Variants in TNPO3 observed in about 807,000 individuals in gnomAD.
The protein encoded by TNPO3 is transportin-3.
A neutral mutation model predicts 122.8 loss-of-function variants in TNPO3; 65 were observed. The ratio of observed to expected loss-of-function variants is 0.53; its 90% CI spans 0.43 to 0.65. The LOEUF (loss-of-function observed/expected upper bound fraction) is 0.65. Ranked by LOEUF, TNPO3 falls within the 30% of genes least tolerant of loss-of-function variation. The pLI is 0.00. For missense variants in TNPO3, 850 were observed against 1,136.7 expected, an observed-to-expected ratio of 0.75 and a Z score of 3.63; for synonymous variants, 372 against 411.2, an observed-to-expected ratio of 0.90 and a Z score of 1.15.
At chr7:128,958,692 T>C (rs1030940754) in intron 21 of TNPO3, among the ~76,000 whole-genome samples, 10 of 152,240 alleles carry the variant, frequency 6.6e-5, no homozygotes, top group African/African-American at 2.4e-4. Flanking sequence ...ATTAAGAACC[T>C]TGACTTAGAC....
intron 1 of TNPO3, 113 bp from the exon 2 acceptor site, chr7:129,018,270 T>C (rs921835662): frequency 9.4e-7 from 1 of 1,058,642 alleles, no homozygotes; most frequent in Non-Finnish European, 1.3e-6. Flanking sequence ...GAAAGAAAAA[T>C]CTGACAAGCT....
At chr7:128,990,268 G>A in intron 10 of TNPO3, 168 bp from the exon 11 acceptor site, 1 of 755,196 alleles carries the variant, frequency 1.3e-6, no homozygotes, top group Non-Finnish European at 2.3e-6. Flanking sequence ...CTTCAAAAAA[G>A]AGGAAAAGAT....
intron 11 of TNPO3, among the ~76,000 whole-genome samples, chr7:128,988,355 A>G (rs1264651072): frequency 6.6e-6 from 1 of 152,208 alleles, no homozygotes; most frequent in Non-Finnish European, 1.5e-5. Flanking sequence ...CAAACTCAGC[A>G]CAATCTGCCT....
chr7:128,973,602 G>A (rs1325994586), intron 18 of TNPO3, among the ~76,000 whole-genome samples: 2 of 151,258 alleles, frequency 1.3e-5, no homozygotes, highest in African/African-American at 4.9e-5. Flanking sequence ...TGGGTGTGGT[G>A]GCGGGTGCCT....
intron 4 of TNPO3, among the ~76,000 whole-genome samples, chr7:129,010,879 G>A (rs1049408206): frequency 1.3e-5 from 2 of 151,966 alleles, no homozygotes; most frequent in East Asian, 1.9e-4. Context: ...GCCAAGGAGA[G>A]AGGATCACTT....
intron 8 of TNPO3, among the ~76,000 whole-genome samples, chr7:128,995,329 GTTACCAA>G (rs1367317811): frequency 6.6e-6 from 1 of 152,152 alleles, no homozygotes; most frequent in Non-Finnish European, 1.5e-5. Context: ...TGTAAACAGA[GTTACCAA>G]TTATAAGATG....
intron 1 of TNPO3, among the ~76,000 whole-genome samples, chr7:129,054,074 A>G (rs1250999551): frequency 6.6e-6 from 1 of 152,248 alleles, no homozygotes; most frequent in East Asian, 1.9e-4. Context: ...TTCTGAAAGC[A>G]GAATTACTGT....
chr7:128,981,446 A>G (rs1799615544), intron 14 of TNPO3, among the ~76,000 whole-genome samples: 2 of 152,190 alleles, frequency 1.3e-5, no homozygotes, highest in Admixed American at 6.5e-5. Context: ...AAGAAACTTC[A>G]TTATATTTTT....
Position 129,055,042 on chromosome 7 carries a change from C to T in TNPO3, c.-272G>A. ...AGTCCACAGATTCTGGCGCTCCCGT[C>T]TTCAGTCGCTGACTTGCCCTCAGAA... On this transcript the variant is annotated 5_prime_UTR_variant, in exon 1 of 23. Transcript: ENST00000265388. The T allele has an allele frequency of 2.3e-6, 1 of 429,826 alleles. No homozygotes were observed. The highest frequency in any genetic ancestry group is 2.4e-5 in the South Asian group (1 of 42,180). 26.6% of individuals were successfully genotyped at this position (429,826 alleles called of 1,614,324 possible).
chr7:129,006,787 T>C (rs1802624074), intron 4 of TNPO3, among the ~76,000 whole-genome samples: 2 of 152,320 alleles, frequency 1.3e-5, no homozygotes, highest in South Asian at 4.1e-4. Context: ...TTTATTATTG[T>C]GCTCCAAAGA....
chr7:128,986,974 T>C, intron 11 of TNPO3, 54 bp from the exon 12 acceptor site: 2 of 1,521,486 alleles, frequency 1.3e-6, no homozygotes, highest in South Asian at 1.3e-5. Context: ...GGAAAACTTC[T>C]AGTTTATTAA....
chr7:128,963,954 T>C (rs532023216), intron 21 of TNPO3, among the ~76,000 whole-genome samples: 1 of 152,360 alleles, frequency 6.6e-6, no homozygotes, highest in Admixed American at 6.5e-5. Context: ...CTCACTTATA[T>C]ATCTTTCTGA....
chr7:129,029,968 AGT>A (rs1805731890), intron 1 of TNPO3: 1 of 152,368 alleles, frequency 6.6e-6, no homozygotes. Flanking sequence ...CGGAGCTTGC[AGT>A]GAGCCCAGAT....
At chr7:128,979,908 C>T in intron 15 of TNPO3, 63 bp downstream of exon 15, 2 of 1,481,558 alleles carry the variant, frequency 1.3e-6, no homozygotes, top group Non-Finnish European at 1.9e-6. Flanking sequence ...AGGTGAGTTA[C>T]CCAAAGCCCT....
intron 1 of TNPO3, among the ~76,000 whole-genome samples, chr7:129,043,685 T>C (rs1194003311): frequency 1.3e-5 from 2 of 152,174 alleles, no homozygotes; most frequent in African/African-American, 4.8e-5. Flanking sequence ...TGAATGTTGG[T>C]ATTAATCTCA....
rs570517904 is a variant in TNPO3 at position 129,009,049 on chromosome 7, A to G, written c.553-3890T>C. On this transcript the variant is annotated intron_variant, in intron 4 of 22. Coordinates refer to ENST00000265388, the MANE Select transcript of TNPO3 (RefSeq NM_012470.4). Reference sequence around the variant, plus strand: ...TCTGTTCCTCTTTGAGAGCTATGCTATGTTAAAAATCTGCCTCTTAAAGTC... The same window carrying G: ...TCTGTTCCTCTTTGAGAGCTATGCTGTGTTAAAAATCTGCCTCTTAAAGTC... 1.2e-4 allele frequency among the ~76,000 whole-genome samples: 18 copies of G among 152,336 alleles called. No homozygotes were observed. The South Asian group carries it at 3.3e-3, about 28-fold the overall frequency.
chr7:129,000,138 T>C (rs1801774087), intron 7 of TNPO3, among the ~76,000 whole-genome samples: 2 of 152,274 alleles, frequency 1.3e-5, no homozygotes, highest in South Asian at 4.1e-4. Flanking sequence ...TGTAACACTC[T>C]AGAGAATAAG....
At chr7:129,024,411 C>T (rs1007134837) in intron 1 of TNPO3, among the ~76,000 whole-genome samples, 4 of 152,102 alleles carry the variant, frequency 2.6e-5, no homozygotes, top group African/African-American at 9.7e-5. Flanking sequence ...CTGATTTGAG[C>T]CCGCTCAAAT....
chr7:129,000,734 C>T (rs948243271), intron 6 of TNPO3, among the ~76,000 whole-genome samples, 167 bp from the exon 7 acceptor site: 2 of 152,146 alleles, frequency 1.3e-5, no homozygotes, highest in African/African-American at 4.8e-5. Flanking sequence ...TTACCTAGAT[C>T]GTACACTCCT....
Sources: gnomAD v4.1 joint callset for allele counts (sites outside exome capture counted in the v4.1 genomes callset) on GRCh38, gnomAD v4.1.1 for gene constraint, MANE v1.5 for transcripts, NCBI Gene and HGNC (gene_info 2026-07-23, HGNC 2026-07-21) for gene names.